The following CHD9 variants were observed in gnomAD, a reference collection of about 807,000 sequenced individuals.
CHD9 encodes the protein ATP-dependent chromatin remodeler CHD9.
CHD9 carries 77 observed loss-of-function variants against 316.1 expected under a neutral mutation model. The ratio of observed to expected loss-of-function variants is 0.24; its 90% CI spans 0.20 to 0.29. CHD9 has a LOEUF of 0.29. Ranked by LOEUF, CHD9 falls within the 10% of genes least tolerant of loss-of-function variation. The probability of loss-of-function intolerance (pLI) is 1.00; values close to 1 mark genes in which losing one functional copy is unlikely to be tolerated. For missense variants in CHD9, 2,763 were observed against 3,438.1 expected (o/e 0.80, Z 4.91); for synonymous variants, 1,129 against 1,158.3 (o/e 0.97, Z 0.51).
At chr16:53,193,640 G>C (rs2044659623) in intron 2 of CHD9, among the ~76,000 whole-genome samples, 1 of 151,970 alleles carries the variant, frequency 6.6e-6, no homozygotes, top group African/African-American at 2.4e-5. Context: ...TGGAGTCTTT[G>C]TTTTCATATT....
chr16:53,064,435 G>T (rs1440620629), intron 1 of CHD9, among the ~76,000 whole-genome samples: 1 of 152,126 alleles, frequency 6.6e-6, no homozygotes, highest in Non-Finnish European at 1.5e-5. Flanking sequence ...GGTAGGGAGG[G>T]TGTGATTGGG....
intron 2 of CHD9, among the ~76,000 whole-genome samples, chr16:53,206,154 T>C (rs779237013): frequency 7.2e-5 from 11 of 152,052 alleles, no homozygotes; most frequent in Non-Finnish European, 1.0e-4. Context: ...TTTTCCTCCA[T>C]GTTGGTCAGG....
At chr16:53,132,399 G>A (rs1279339394) in intron 1 of CHD9, among the ~76,000 whole-genome samples, 1 of 152,012 alleles carries the variant, frequency 6.6e-6, no homozygotes, top group Non-Finnish European at 1.5e-5. Context: ...AAAATCTCCA[G>A]TTCTACTTAA....
At chr16:53,262,473 T>G (rs1396471887) in intron 19 of CHD9, among the ~76,000 whole-genome samples, 3 of 152,180 alleles carry the variant, frequency 2.0e-5, no homozygotes, top group Non-Finnish European at 4.4e-5. Context: ...AGTTTCTTTT[T>G]TGTGTGTGTT....
chr16:53,279,262 A>G (rs2053171317), intron 24 of CHD9, among the ~76,000 whole-genome samples: 1 of 152,124 alleles, frequency 6.6e-6, no homozygotes, highest in Non-Finnish European at 1.5e-5. Context: ...CACAAGGACA[A>G]AAAAACCAAA....
chr16:53,304,546 C>T lies in CHD9; in HGVS notation c.6540C>T (p.Ser2180=). The change falls in exon 31 of 39, where the codon TCC becomes TCT. Residue 2180 remains serine (S), a synonymous_variant. Transcript: ENST00000447540. ...SCSSASSSSS[S]STSSSSSSSS... is the part of the protein sequence containing the mutation. ...CTTCAGCATCTTCTTCATCCTCTTC[C>T]TCCACCTCTTCCTCCTCCTCCTCCT... 31 of 1,544,922 alleles carry T rather than the reference C, an allele frequency of 2.0e-5. No individual in the cohort carries two copies. Among genetic ancestry groups the T allele is most frequent in the Non-Finnish European group, 2.7e-5 (31 of 1,140,664 alleles).
intron 1 of CHD9, among the ~76,000 whole-genome samples, chr16:53,117,615 C>A (rs1003899858): frequency 2.0e-5 from 3 of 151,726 alleles, no homozygotes; most frequent in African/African-American, 7.3e-5. Flanking sequence ...GGGGTTTCAC[C>A]ATATTGGCCA....
chr16:53,201,490 C>T (rs1239078866), intron 2 of CHD9, among the ~76,000 whole-genome samples: 2 of 152,212 alleles, frequency 1.3e-5, no homozygotes, highest in Non-Finnish European at 2.9e-5. Flanking sequence ...GATATTTTAA[C>T]ATAACCTATA....
rs1371161896 is a variant in CHD9 at position 53,209,733 on chromosome 16, A to G, written c.1704A>G (p.Arg568=). The change falls in exon 3 of 39, where the codon AGA becomes AGG. Residue 568 remains arginine, a synonymous_variant. Coordinates refer to ENST00000447540, the MANE Select transcript of CHD9 (RefSeq NM_001308319.2). The part of the protein sequence containing the change: ...SVEGKEEKKG[R]RMKSKPKDKD... Reference sequence around the variant, plus strand: ...AAGGAAAAGAGGAAAAGAAAGGTAGAAGGATGAAATCCAAGCCAAAGGACA... The same window carrying G: ...AAGGAAAAGAGGAAAAGAAAGGTAGGAGGATGAAATCCAAGCCAAAGGACA... 6.2e-7 allele frequency: 1 copy of G among 1,613,822 alleles called. No homozygotes were observed. The highest frequency in any genetic ancestry group is 8.5e-7 in the Non-Finnish European group (1 of 1,179,798).
chr16:53,070,009 G>A (rs2033870146), intron 1 of CHD9, among the ~76,000 whole-genome samples: 1 of 152,098 alleles, frequency 6.6e-6, no homozygotes. Flanking sequence ...GATTAGTGAT[G>A]TTGAGCATCT....
chr16:53,237,004 T>C (rs1053674497), intron 11 of CHD9, among the ~76,000 whole-genome samples: 1 of 152,042 alleles, frequency 6.6e-6, no homozygotes, highest in Non-Finnish European at 1.5e-5. Flanking sequence ...AAATCTAAGG[T>C]CTTGAACTCT....
At chr16:53,055,726 G>A (rs1479454851) in intron 1 of CHD9, among the ~76,000 whole-genome samples, 1 of 152,066 alleles carries the variant, frequency 6.6e-6, no homozygotes, top group Non-Finnish European at 1.5e-5. Flanking sequence ...CTTTTAAGCA[G>A]GAAATGCCTC....
intron 1 of CHD9, among the ~76,000 whole-genome samples, chr16:53,132,972 C>G (rs1381302935): frequency 6.6e-6 from 1 of 151,910 alleles, no homozygotes; most frequent in Non-Finnish European, 1.5e-5. Flanking sequence ...CCACGCCCGG[C>G]CGTTTCTTCT....
chr16:53,257,086 G>A (rs1437021190), intron 19 of CHD9, among the ~76,000 whole-genome samples: 1 of 152,116 alleles, frequency 6.6e-6, no homozygotes, highest in Non-Finnish European at 1.5e-5. Flanking sequence ...GCAAAGAAAA[G>A]AACATTCAAC....
intron 2 of CHD9, among the ~76,000 whole-genome samples, chr16:53,177,967 T>C (rs903937931): frequency 1.3e-5 from 2 of 152,184 alleles, no homozygotes; most frequent in African/African-American, 2.4e-5. Context: ...GTAAGTGCCA[T>C]CTTTTTCTCC....
chr16:53,214,537 G>GT (rs1006365983), intron 3 of CHD9, among the ~76,000 whole-genome samples: 1 of 151,992 alleles, frequency 6.6e-6, no homozygotes, highest in Admixed American at 6.6e-5. Context: ...AAGTTCTACG[G>GT]TTTTTTTAAA....
At chr16:53,148,556 G>A (rs2040829133) in intron 1 of CHD9, among the ~76,000 whole-genome samples, 1 of 152,194 alleles carries the variant, frequency 6.6e-6, no homozygotes, top group Non-Finnish European at 1.5e-5. Context: ...GGTGTGAAGT[G>A]ATATCTCATT....
intron 1 of CHD9, among the ~76,000 whole-genome samples, chr16:53,104,907 A>G (rs762192048): frequency 1.4e-4 from 22 of 151,788 alleles, no homozygotes; most frequent in Non-Finnish European, 2.9e-4. Context: ...TAATTTTACT[A>G]CCTTGAGCCC....
chr16:53,147,268 T>G (rs1422098193), intron 1 of CHD9, among the ~76,000 whole-genome samples: 1 of 152,124 alleles, frequency 6.6e-6, no homozygotes, highest in Non-Finnish European at 1.5e-5. Context: ...CTTACTGTAA[T>G]GAAGGAACAG....
Sources: allele counts gnomAD v4.1 joint callset (sites outside exome capture counted in the v4.1 genomes callset), GRCh38; gene constraint gnomAD v4.1.1; transcripts MANE v1.5; gene names NCBI Gene and HGNC (gene_info 2026-07-23, HGNC 2026-07-21).